GLIS3: variants seen among roughly 807,000 people sequenced by gnomAD.
GLIS3 encodes the protein GLIS family zinc finger 3, also known as zinc finger protein GLIS3.
A neutral mutation model predicts 78.6 loss-of-function variants in GLIS3; 53 were observed. The ratio of observed to expected loss-of-function variants is 0.67; its 90% CI spans 0.54 to 0.85. GLIS3 has a LOEUF of 0.85. Ranked by LOEUF, GLIS3 falls within the 40% of genes least tolerant of loss-of-function variation. The pLI is 0.00. For synonymous variants in GLIS3, 684 were observed against 509.9 expected, an observed-to-expected ratio of 1.34 and a Z score of -4.60; for missense variants, 1,703 against 1,231.1, an observed-to-expected ratio of 1.38 and a Z score of -5.74.
At chr9:4,235,333 T>C (rs936685439) in intron 2 of GLIS3, among the ~76,000 whole-genome samples, 7 of 146,940 alleles carry the variant, frequency 4.8e-5, no homozygotes, top group South Asian at 2.2e-4. Flanking sequence ...GGGGGAGTCA[T>C]TGAGTGGGTA....
At chr9:4,483,519 A>G in the GLIS3 span, among the ~76,000 whole-genome samples, 2 of 152,084 alleles carry the variant, frequency 1.3e-5, no homozygotes, top group African/African-American at 4.8e-5. Flanking sequence ...GGAGTTTGAG[A>G]CCAGCCTGAC....
chr9:4,316,459 C>A (rs549050486), intron 2 of GLIS3, among the ~76,000 whole-genome samples: 2 of 152,312 alleles, frequency 1.3e-5, no homozygotes, highest in South Asian at 4.1e-4. Context: ...TCATTTCATT[C>A]AACATCATTT....
chr9:4,143,286 G>C lies in GLIS3; in HGVS notation c.389-17345C>G, dbSNP rs978714831. Among the ~76,000 whole-genome samples, 172 of 152,050 alleles carry C rather than the reference G, an allele frequency of 1.1e-3. 2 individuals carry two copies. Among genetic ancestry groups the C allele is most frequent in the Non-Finnish European group, 4.6e-4 (31 of 67,992 alleles). On this transcript the variant is annotated intron_variant, in intron 2 of 10. Coordinates refer to ENST00000381971, the MANE Select transcript of GLIS3 (RefSeq NM_001042413.2). ...TGAGAAGTTAAGATCTACTCTCTTG[G>C]CCGGGCACAGTGGCTCACACCTGTA... is the stretch of plus-strand genomic sequence containing the variant.
At chr9:4,210,078 C>G (rs781686508) in intron 2 of GLIS3, among the ~76,000 whole-genome samples, 1 of 152,188 alleles carries the variant, frequency 6.6e-6, no homozygotes, top group Non-Finnish European at 1.5e-5. Flanking sequence ...ATGCCTGGCA[C>G]ATAGTGGGCA....
At chr9:4,285,923 T>C (rs1827947235) in intron 2 of GLIS3, 115 bp downstream of exon 2, 3 of 1,275,734 alleles carry the variant, frequency 2.4e-6, no homozygotes, top group African/African-American at 1.5e-5. Flanking sequence ...GAGACCATCA[T>C]CTTTGACCCT....
chr9:4,152,869 T>A (rs187622436), intron 2 of GLIS3, among the ~76,000 whole-genome samples: 1 of 152,312 alleles, frequency 6.6e-6, no homozygotes, highest in Admixed American at 6.5e-5. Flanking sequence ...TAAATAAACA[T>A]AGATATGTAA....
In GLIS3 at chr9:4,178,795, T is replaced by C. The variant is rs140400750; in HGVS notation, c.389-52854A>G. Among the ~76,000 whole-genome samples the C allele has an allele frequency of 2.1e-3, 319 of 152,336 alleles. 2 individuals carry two copies. The Middle Eastern group carries it at 0.031, about 15-fold the overall frequency. On this transcript the variant is annotated intron_variant, in intron 2 of 10. Transcript: ENST00000381971. Reference sequence around the variant, plus strand: ...TCAGTTACCTACCCCACACCCATTATTCATTAAAAATATTTCACAAAAATC... The same window carrying C: ...TCAGTTACCTACCCCACACCCATTACTCATTAAAAATATTTCACAAAAATC...
chr9:4,172,273 C>A (rs752116768), intron 2 of GLIS3, among the ~76,000 whole-genome samples: 16 of 152,072 alleles, frequency 1.1e-4, no homozygotes, highest in Non-Finnish European at 1.9e-4. Flanking sequence ...CAGCTCCAGT[C>A]CTCAATATGT....
At chr9:3,852,808 G>T (rs1408462712) in intron 9 of GLIS3, among the ~76,000 whole-genome samples, 1 of 152,166 alleles carries the variant, frequency 6.6e-6, no homozygotes, top group Admixed American at 6.5e-5. Flanking sequence ...CATCTTCCTG[G>T]AGAAAGTCAT....
At chr9:4,252,190 T>C (rs1049150743) in intron 2 of GLIS3, among the ~76,000 whole-genome samples, 1 of 152,236 alleles carries the variant, frequency 6.6e-6, no homozygotes, top group Admixed American at 6.5e-5. Context: ...GATAATATCC[T>C]GAGGAGTGTT....
Position 4,118,938 on chromosome 9 carries a change from G to C in GLIS3, c.597-57C>G. On this transcript the variant is annotated intron_variant, in intron 3 of 10. Coordinates refer to ENST00000381971, the MANE Select transcript of GLIS3 (RefSeq NM_001042413.2). The surrounding 1 kb of genome is among the most constrained non-coding windows in gnomAD (Gnocchi z 4.7). ...AAAGATAAACATTTTAGCAGGATACGGATTGCTTAAGAGCTAAAAGAACAC... is the reference window on the plus strand; with the variant it reads ...AAAGATAAACATTTTAGCAGGATACCGATTGCTTAAGAGCTAAAAGAACAC... The C allele has an allele frequency of 1.9e-6, 3 of 1,550,866 alleles. No individual in the cohort carries two copies. The highest frequency in any genetic ancestry group is 2.3e-5 in the South Asian group (2 of 86,610).
chr9:4,066,990 C>G (rs977883511), intron 4 of GLIS3, among the ~76,000 whole-genome samples: 5 of 152,178 alleles, frequency 3.3e-5, no homozygotes, highest in Non-Finnish European at 5.9e-5. Flanking sequence ...GTCCACCACA[C>G]AGTGACATGC....
At chr9:4,269,644 A>G (rs1021708616) in intron 2 of GLIS3, among the ~76,000 whole-genome samples, 2 of 152,196 alleles carry the variant, frequency 1.3e-5, no homozygotes, top group Admixed American at 1.3e-4. Context: ...TCATATTTAA[A>G]TGCATATTAT....
intron 4 of GLIS3, among the ~76,000 whole-genome samples, chr9:4,045,520 G>C (rs947653447): frequency 1.5e-4 from 22 of 150,508 alleles, no homozygotes; most frequent in Non-Finnish European, 3.0e-5. Flanking sequence ...TTTTTTTTAA[G>C]GTAGAGATGG....
At chr9:4,205,136 A>G (rs577720803) in intron 2 of GLIS3, among the ~76,000 whole-genome samples, 105 of 146,154 alleles carry the variant, frequency 7.2e-4, no homozygotes, top group Admixed American at 2.2e-3. Context: ...AGATCACCCC[A>G]CTGCACTCCA....
chr9:3,835,723 G>T (rs1818309289), intron 9 of GLIS3, among the ~76,000 whole-genome samples: 1 of 152,202 alleles, frequency 6.6e-6, no homozygotes, highest in Non-Finnish European at 1.5e-5. Flanking sequence ...CTGGGCATGT[G>T]CCTGACACAC....
At chr9:4,072,336 T>A (rs1827684896) in intron 4 of GLIS3, among the ~76,000 whole-genome samples, 1 of 152,176 alleles carries the variant, frequency 6.6e-6, no homozygotes, top group Non-Finnish European at 1.5e-5. Context: ...TGAAATACTG[T>A]GAAAAGATTC....
intron 2 of GLIS3, among the ~76,000 whole-genome samples, chr9:4,165,909 A>C (rs1835851967): frequency 6.6e-6 from 1 of 152,188 alleles, no homozygotes. Flanking sequence ...GGAAAAAAGG[A>C]ATCTGCAAAC....
chr9:4,109,422 C>A (rs974855601), intron 4 of GLIS3, among the ~76,000 whole-genome samples: 3 of 152,190 alleles, frequency 2.0e-5, no homozygotes, highest in African/African-American at 7.2e-5. Flanking sequence ...AAGTCTGCAA[C>A]AGAAAATGCT....
Sources: allele counts gnomAD v4.1 joint callset (sites outside exome capture counted in the v4.1 genomes callset), GRCh38; gene constraint gnomAD v4.1.1; non-coding constraint Gnocchi (gnomAD v3.1); transcripts MANE v1.5; gene names NCBI Gene and HGNC (gene_info 2026-07-23, HGNC 2026-07-21).